LIG1: variants seen among roughly 807,000 people sequenced by gnomAD.
LIG1 encodes the protein DNA ligase 1.
LIG1 carries 70 observed loss-of-function variants against 115.7 expected under a neutral mutation model. That is an observed-to-expected ratio of 0.60 (90% CI 0.50 to 0.74). LIG1 has a LOEUF of 0.74. Among genes scored for constraint, LIG1 ranks in the 30% least tolerant of loss-of-function variants. The pLI is 0.00. For missense variants in LIG1, 1,115 were observed against 1,225.6 expected (o/e 0.91, Z 1.35); for synonymous variants, 487 against 495.3 (o/e 0.98, Z 0.22).
chr19:48,150,165 G>A lies in LIG1; in HGVS notation c.620C>T (p.Thr207Met), dbSNP rs778281872. The change falls in exon 8 of 28, where the codon ACG becomes ATG. Residue 207 changes from threonine to methionine, a missense_variant. Thr to Met is a moderately conservative substitution (Grantham distance 81). Transcript: ENST00000263274. Reference protein sequence around the residue: ...TESVSEPEVATKQELQEEEEQ... With the variant: ...TESVSEPEVAMKQELQEEEEQ... ...TTCCTCCTCCTGCAGTTCCTGCTTC[G>A]TGGCCACCTCAGGCTCTGAAACGCT... 6 of 1,614,184 alleles carry A rather than the reference G, an allele frequency of 3.7e-6. No homozygotes were observed. In the South Asian group the frequency reaches 4.4e-5, roughly 12 times the overall value.
rs142130644 is a variant in LIG1, at chr19:48,161,492, C to T, written c.123G>A (p.Glu41=). 3.7e-6 allele frequency: 6 copies of T among 1,614,078 alleles called. No individual in the cohort carries two copies. The African/African-American group carries it at 8.0e-5, about 22-fold the overall frequency. ...CACTCTCGGACACCACTCCATTCCA[C>T]TCCTTCAGTGCCGCCCTGGAAGGTG... ...TEPPPKAALK[E]WNGVVSESDS... The change falls in exon 4 of 28, where the codon GAG becomes GAA. Residue 41 remains glutamate, a synonymous_variant. Coordinates refer to ENST00000263274, the MANE Select transcript of LIG1 (RefSeq NM_000234.3).
At chr19:48,139,081 G>A (rs1016442096) in intron 12 of LIG1, among the ~76,000 whole-genome samples, 6 of 152,148 alleles carry the variant, frequency 3.9e-5, no homozygotes, top group East Asian at 1.9e-4. Context: ...CTCCCCAGGC[G>A]GATGAGAACC....
chr19:48,133,158 G>T, intron 17 of LIG1, 61 bp from the exon 18 acceptor site: 2 of 1,099,176 alleles, frequency 1.8e-6, no homozygotes, highest in Non-Finnish European at 2.8e-6. Context: ...GGGGGAACAT[G>T]GAGAGGAGAA....
Position 48,137,760 on chromosome 19 carries a change from CTGGA to C in LIG1, c.1088-76_1088-73del, listed in dbSNP as rs2034492372. ...CTGCGTGTCTCCCTTCTCTCGCGGCCTGGATGAATTTTCTCCAGCTGTGTGTGCT... is the reference window on the plus strand; with the variant it reads ...CTGCGTGTCTCCCTTCTCTCGCGGCCTGAATTTTCTCCAGCTGTGTGTGCT... On this transcript the variant is annotated intron_variant, in intron 12 of 27. Coordinates refer to ENST00000263274, the MANE Select transcript of LIG1 (RefSeq NM_000234.3). This position sits in a 1 kb window ranked among gnomAD's most constrained non-coding sequence, Gnocchi z 4.3. 1 of 1,565,300 alleles carries C rather than the reference CTGGA, an allele frequency of 6.4e-7. No individual in the cohort carries two copies. Among genetic ancestry groups the C allele is most frequent in the Non-Finnish European group, 8.6e-7 (1 of 1,157,208 alleles).
At chr19:48,127,834 C>A in intron 20 of LIG1, 76 bp downstream of exon 20, 1 of 1,227,178 alleles carries the variant, frequency 8.1e-7, no homozygotes, top group African/African-American at 1.5e-5. Flanking sequence ...GGGCACTGGG[C>A]AGGACCCACA....
rs754547232 is a variant in LIG1, at chr19:48,117,710, G to A, written c.2511C>T (p.Asp837=). ...ACTTCACCTCCCACACAGCGCTGGG[G>A]TCCAGCCAGTGGTCGGGAATCACAG... ...DGAVIPDHWL[D]PSAVWEVKCA... is the part of the protein sequence containing the mutation. The change falls in exon 26 of 28, where the codon GAC becomes GAT. Residue 837 remains aspartate, a synonymous_variant. Coordinates refer to ENST00000263274, the MANE Select transcript of LIG1 (RefSeq NM_000234.3). 102 of 1,612,754 alleles carry A rather than the reference G, an allele frequency of 6.3e-5. No individual in the cohort carries two copies. The highest frequency in any genetic ancestry group is 8.5e-5 in the Non-Finnish European group (100 of 1,179,732).
At chr19:48,159,080 A>ATTTT (rs35538558) in intron 4 of LIG1, among the ~76,000 whole-genome samples, 5 of 140,844 alleles carry the variant, frequency 3.6e-5, no homozygotes, top group African/African-American at 1.1e-4. Flanking sequence ...GTCTCAGATA[A>ATTTT]TTTTTTTTTT....
intron 1 of LIG1, among the ~76,000 whole-genome samples, chr19:48,166,172 G>A (rs1460079510): frequency 6.6e-6 from 1 of 152,208 alleles, no homozygotes; most frequent in Non-Finnish European, 1.5e-5. Context: ...CGAGGTGGGT[G>A]GATCACTTGA....
intron 6 of LIG1, among the ~76,000 whole-genome samples, chr19:48,152,871 G>C: frequency 6.6e-6 from 1 of 152,110 alleles, no homozygotes; most frequent in East Asian, 1.9e-4. Context: ...GAGTATCCAA[G>C]GCATTTCCCA....
At chr19:48,165,691 C>T (rs565159989) in intron 1 of LIG1, 68 bp from the exon 2 acceptor site, 5 of 1,084,166 alleles carry the variant, frequency 4.6e-6, no homozygotes, top group South Asian at 1.3e-5. Flanking sequence ...ACATAAAACC[C>T]TTTCTTTAAG....
At chr19:48,135,847 T>TGG in intron 15 of LIG1, 68 bp from the exon 16 acceptor site, 1 of 1,417,264 alleles carries the variant, frequency 7.1e-7, no homozygotes, top group Non-Finnish European at 1.0e-6. Context: ...GTGCAGTGGG[T>TGG]GGTTTGCTGT....
rs773651278 is a variant in LIG1 at position 48,162,317 on chromosome 19, T to C, written c.52A>G (p.Lys18Glu). 1.9e-6 allele frequency: 3 copies of C among 1,614,018 alleles called. No homozygotes were observed. Among genetic ancestry groups the C allele is most frequent in the Non-Finnish European group, 2.5e-6 (3 of 1,180,022 alleles). ...TTGGATGCCTCCTTCTCAGGCTTCT[T>C]TGCTTTACCCTCTTTCTTGGGGTGG... ...FFHPKKEGKAKKPEKEASNSS... is the reference protein window; with the variant it reads ...FFHPKKEGKAEKPEKEASNSS... The change falls in exon 3 of 28, where the codon AAG (lysine) becomes GAG (glutamate). Residue 18 changes from lysine (K) to glutamate (E), a missense_variant. Lys to Glu is a moderately conservative substitution (Grantham distance 56). Coordinates refer to ENST00000263274, the MANE Select transcript of LIG1 (RefSeq NM_000234.3).
chr19:48,167,492 G>A (rs1334736750), intron 1 of LIG1, among the ~76,000 whole-genome samples: 1 of 151,964 alleles, frequency 6.6e-6, no homozygotes, highest in Non-Finnish European at 1.5e-5. Flanking sequence ...AGCCTTGGCC[G>A]CCACATGTTG....
chr19:48,168,939 T>C (rs1420303466), intron 1 of LIG1, among the ~76,000 whole-genome samples: 1 of 152,194 alleles, frequency 6.6e-6, no homozygotes, highest in Non-Finnish European at 1.5e-5. Flanking sequence ...GGGCAAACTG[T>C]ATAATTGTGA....
chr19:48,151,470 C>T, intron 6 of LIG1, 131 bp from the exon 7 acceptor site: 2 of 672,614 alleles, frequency 3.0e-6, no homozygotes, highest in East Asian at 3.0e-5. Flanking sequence ...GTTCTTACCG[C>T]CCAGGCTGGA....
intron 11 of LIG1, among the ~76,000 whole-genome samples, chr19:48,141,029 G>C (rs1447861676): frequency 6.6e-6 from 1 of 152,212 alleles, no homozygotes; most frequent in Non-Finnish European, 1.5e-5. Flanking sequence ...GGTTACAGTG[G>C]GGGAGTAACT....
At chr19:48,132,256 G>T (rs2034073990) in intron 18 of LIG1, among the ~76,000 whole-genome samples, 1 of 152,054 alleles carries the variant, frequency 6.6e-6, no homozygotes, top group Admixed American at 6.6e-5. Flanking sequence ...CACTTGCCAG[G>T]ACAGAAGAGA....
In LIG1 at chr19:48,122,956, TTGGCGATCTCG is replaced by T. The variant is rs1568481858; in HGVS notation, c.2199_2209del (p.Tyr733Ter). Reference sequence around the variant, plus strand: ...CACCTTGAGCCAGTTGTGCGATCTCTTGGCGATCTCGTAGGTGGCATCAACATCCAGGGTCT... The same window carrying T: ...CACCTTGAGCCAGTTGTGCGATCTCTTAGGTGGCATCAACATCCAGGGTCT... On this transcript the variant is annotated stop_gained and frameshift_variant, in exon 23 of 28. Transcript: ENST00000263274. LOFTEE classifies it high-confidence loss of function. The surrounding 1 kb of genome is among the most constrained non-coding windows in gnomAD (Gnocchi z 4.3). 6.2e-7 allele frequency: 1 copy of T among 1,612,586 alleles called. No homozygotes were observed.
At chr19:48,144,689 A>C (rs2035004886) in intron 9 of LIG1, among the ~76,000 whole-genome samples, 1 of 152,118 alleles carries the variant, frequency 6.6e-6, no homozygotes, top group South Asian at 2.1e-4. Context: ...TTTTCAGAAG[A>C]GACGAGGTTT....
Sources: gnomAD v4.1 joint callset for allele counts (sites outside exome capture counted in the v4.1 genomes callset) on GRCh38, gnomAD v4.1.1 for gene constraint, Gnocchi (gnomAD v3.1) non-coding constraint, MANE v1.5 for transcripts, NCBI Gene and HGNC (gene_info 2026-07-23, HGNC 2026-07-21) for gene names.